The following MTSS1 variants were observed in gnomAD, a reference collection of about 807,000 sequenced individuals.
MTSS1 encodes protein MTSS 1.
MTSS1 carries 18 observed loss-of-function variants against 79.0 expected under a neutral mutation model. That is an observed-to-expected ratio of 0.23 (90% CI 0.16 to 0.34). The LOEUF is 0.34. MTSS1 is among the 10% of genes least tolerant of loss of function. The probability of loss-of-function intolerance (pLI) is 1.00; values close to 1 mark genes in which losing one functional copy is unlikely to be tolerated. For missense variants in MTSS1, 815 were observed against 986.2 expected (o/e 0.83, Z 2.33); for synonymous variants, 341 against 368.6 (o/e 0.93, Z 0.86).
intron 3 of MTSS1, among the ~76,000 whole-genome samples, chr8:124,602,386 G>A (rs2133047277): frequency 6.6e-6 from 1 of 151,810 alleles, no homozygotes; most frequent in African/African-American, 2.4e-5. Context: ...TTTTAGTAGA[G>A]ATGGGGTTTC....
chr8:124,580,107 T>TA (rs1243220988), intron 6 of MTSS1: 1 of 157,664 alleles, frequency 6.3e-6, no homozygotes, highest in Non-Finnish European at 1.4e-5. Context: ...AGGACAAAGT[T>TA]AAAGATGTTT....
intron 6 of MTSS1, among the ~76,000 whole-genome samples, chr8:124,570,205 A>G (rs891328642): frequency 6.6e-6 from 1 of 152,234 alleles, no homozygotes; most frequent in Non-Finnish European, 1.5e-5. Flanking sequence ...CATTATGAGA[A>G]AATTATAGTC....
intron 3 of MTSS1, among the ~76,000 whole-genome samples, chr8:124,622,106 A>G (rs1332561305): frequency 1.3e-5 from 2 of 151,736 alleles, no homozygotes; most frequent in African/African-American, 2.4e-5. Flanking sequence ...GAATATGAAT[A>G]TATTTTTCAG....
At position 124,717,003 on chromosome 8, in the gene MTSS1, A is replaced by AC. The variant is rs575665496; in HGVS notation, c.72+10880_72+10881insG. On this transcript the variant is annotated intron_variant, in intron 1 of 13. Transcript: ENST00000518547. ...TGTTGTAGGGTTGCTTATAATTAGTAAAAAAAAAAAAAAAAACTGGACGCA... is the reference window on the plus strand; with the variant it reads ...TGTTGTAGGGTTGCTTATAATTAGTACAAAAAAAAAAAAAAAACTGGACGCA... Among the ~76,000 whole-genome samples the AC allele has an allele frequency of 1.2e-3, 114 of 97,340 alleles. 2 individuals are homozygous for AC. The highest frequency in any genetic ancestry group is 4.7e-3 in the Middle Eastern group (1 of 214). The allele number at this position is 97,340 out of a possible 152,430, so 63.9% of individuals were successfully genotyped here.
chr8:124,661,476 C>T (rs1297387968), intron 3 of MTSS1, among the ~76,000 whole-genome samples: 3 of 152,164 alleles, frequency 2.0e-5, no homozygotes, highest in Middle Eastern at 3.2e-3. Flanking sequence ...ACAGAAGCTA[C>T]GATTGTCTCA....
chr8:124,688,976 G>A (rs987070697), intron 3 of MTSS1, among the ~76,000 whole-genome samples: 29 of 150,916 alleles, frequency 1.9e-4, no homozygotes, highest in African/African-American at 6.1e-4. Flanking sequence ...TGAAAGACCA[G>A]ATAGTTCCTT....
At position 124,580,367 on chromosome 8, in the gene MTSS1, A is replaced by G. The variant is rs575978831; in HGVS notation, c.460+4720T>C. 5 of 592,372 alleles carry G rather than the reference A, an allele frequency of 8.4e-6. No individual in the cohort carries two copies. The African/African-American group carries it at 9.3e-5, about 11-fold the overall frequency. The allele number at this position is 592,372 out of a possible 1,614,324, so 36.7% of individuals were successfully genotyped here. On this transcript the variant is annotated intron_variant, in intron 6 of 13. Coordinates refer to ENST00000518547, the MANE Select transcript of MTSS1 (RefSeq NM_014751.6). ...TAAATGGCTAAACATCCAAAAAAGA[A>G]AACAATTAAAACACAACGCACACAC...
chr8:124,691,305 A>T (rs1160110887), intron 3 of MTSS1, among the ~76,000 whole-genome samples: 1 of 152,212 alleles, frequency 6.6e-6, no homozygotes. Context: ...GGAGCTGGAA[A>T]ATTTATCTTG....
intron 6 of MTSS1, chr8:124,568,874 T>C: frequency 1.4e-6 from 2 of 1,421,728 alleles, no homozygotes; most frequent in Non-Finnish European, 1.8e-6. Context: ...CATTCTTTCC[T>C]TGCAGAACAT....
chr8:124,636,169 G>A (rs767538668), intron 3 of MTSS1, among the ~76,000 whole-genome samples: 14 of 152,056 alleles, frequency 9.2e-5, no homozygotes, highest in South Asian at 2.1e-4. Flanking sequence ...TCCCTCTGTC[G>A]CCCAGGCTGG....
At chr8:124,609,180 G>A (rs1462635746) in intron 3 of MTSS1, among the ~76,000 whole-genome samples, 2 of 152,218 alleles carry the variant, frequency 1.3e-5, no homozygotes, top group African/African-American at 4.8e-5. Context: ...AAATATGACT[G>A]TTTGCCAGTT....
At chr8:124,700,187 C>G (rs1829512978) in intron 2 of MTSS1, among the ~76,000 whole-genome samples, 1 of 150,684 alleles carries the variant, frequency 6.6e-6, no homozygotes, top group African/African-American at 2.4e-5. Flanking sequence ...AAGTTTTATA[C>G]AGGAGGAAAA....
rs534691484 is a variant in MTSS1 at position 124,715,348 on chromosome 8, C to CT, written c.73-11158dup. Among the ~76,000 whole-genome samples the CT allele has an allele frequency of 4.3e-3, 648 of 151,636 alleles. 5 individuals are homozygous for CT. The highest frequency in any genetic ancestry group is 0.014 in the African/African-American group (584 of 41,356). On this transcript the variant is annotated intron_variant, in intron 1 of 13. Coordinates refer to ENST00000518547, the MANE Select transcript of MTSS1 (RefSeq NM_014751.6). ...ATGTTCTTTTCTTTTTCTCTTTCTT[C>CT]TTTTTTTTTAATTTTTGTTGTTTAA...
chr8:124,592,950 T>C (rs1249839226), intron 3 of MTSS1, among the ~76,000 whole-genome samples: 1 of 152,230 alleles, frequency 6.6e-6, no homozygotes, highest in African/African-American at 2.4e-5. Context: ...AAATCACTCC[T>C]GTTGAAACCA....
chr8:124,602,207 A>ACACACATATATATATATATATATATATAT, intron 3 of MTSS1, among the ~76,000 whole-genome samples: 1 of 142,224 alleles, frequency 7.0e-6, no homozygotes, highest in African/African-American at 2.7e-5. Context: ...ATATATATAT[A>ACACACATATATATATATATATATATATAT]ATTTTTTTTT....
chr8:124,709,800 T>C (rs975862844), intron 1 of MTSS1, among the ~76,000 whole-genome samples: 1 of 152,202 alleles, frequency 6.6e-6, no homozygotes, highest in Non-Finnish European at 1.5e-5. Flanking sequence ...ACCCTGTGGC[T>C]GCTTCTCTTC....
intron 10 of MTSS1, among the ~76,000 whole-genome samples, chr8:124,561,008 C>A (rs996168361): frequency 6.6e-6 from 1 of 152,162 alleles, no homozygotes; most frequent in African/African-American, 2.4e-5. Flanking sequence ...GAGATTGTAC[C>A]CTCTGGCTAA....
At chr8:124,637,448 G>T (rs57512045) in intron 3 of MTSS1, among the ~76,000 whole-genome samples, 4,267 of 152,258 alleles carry the variant, frequency 0.028, 173 homozygotes, top group African/African-American at 0.097. Flanking sequence ...ACCCCAGAAG[G>T]CCCTTCTCCC....
intron 10 of MTSS1, among the ~76,000 whole-genome samples, chr8:124,559,379 A>G (rs1385885336): frequency 6.6e-6 from 1 of 152,174 alleles, no homozygotes; most frequent in Non-Finnish European, 1.5e-5. Context: ...CTGTGGATCC[A>G]TGAGGGGTGG....
Sources: gnomAD v4.1 joint callset for allele counts (sites outside exome capture counted in the v4.1 genomes callset) on GRCh38, gnomAD v4.1.1 for gene constraint, MANE v1.5 for transcripts, NCBI Gene and HGNC (gene_info 2026-07-23, HGNC 2026-07-21) for gene names.